The following SETX variants were observed in gnomAD, a reference collection of about 807,000 sequenced individuals.
SETX encodes the protein senataxin.
In SETX, 90 loss-of-function variants were observed where a neutral mutation model predicts 227.2. The ratio of observed to expected loss-of-function variants is 0.40; its 90% CI spans 0.33 to 0.47. The LOEUF is 0.47. SETX is among the 20% of genes least tolerant of loss of function. SETX has a pLI of 0.91. For missense variants in SETX, 3,052 were observed against 3,181.5 expected, an observed-to-expected ratio of 0.96 and a Z score of 0.98; for synonymous variants, 1,210 against 1,113.2, an observed-to-expected ratio of 1.09 and a Z score of -1.73.
Position 132,328,756 on chromosome 9 carries a change from G to T in SETX, c.2842C>A (p.Pro948Thr), listed in dbSNP as rs778882347. ...GAATCCGTTAAGGTGTCAGATTTAGGACTGATGTCAGGGGCCTGTTCTCTT... is the reference window on the plus strand; with the variant it reads ...GAATCCGTTAAGGTGTCAGATTTAGTACTGATGTCAGGGGCCTGTTCTCTT... ...LTREQAPDISPKSDTLTDSQI... is the reference protein window; with the variant it reads ...LTREQAPDISTKSDTLTDSQI... Residue 948 changes from proline to threonine, a missense_variant, in exon 10 of 26, where the codon CCT becomes ACT. Transcript: ENST00000224140. 36 of 1,612,194 alleles carry T rather than the reference G, an allele frequency of 2.2e-5. No individual in the cohort carries two copies. The highest frequency in any genetic ancestry group is 2.7e-5 in the Non-Finnish European group (32 of 1,179,346).
Position 132,294,906 on chromosome 9 carries a change from A to T in SETX, c.6106+966T>A, listed in dbSNP as rs181063200. ...GCCCACCTCTGGGTTTTTGATTTTT[A>T]AAAAAAAGAAGTAAACTTCTGTTAT... On this transcript the variant is annotated intron_variant, in intron 15 of 25. Transcript: ENST00000224140. Among the ~76,000 whole-genome samples, 1,016 of 152,188 alleles carry T rather than the reference A, an allele frequency of 6.7e-3. 12 individuals carry two copies. Among genetic ancestry groups the T allele is most frequent in the African/African-American group, 0.015 (623 of 41,534 alleles).
In SETX at chr9:132,335,314, C is replaced by CGG. The variant is rs1484275578; in HGVS notation, c.719-588_719-587insCC. Among the ~76,000 whole-genome samples, 34 of 142,982 alleles carry CGG rather than the reference C, an allele frequency of 2.4e-4. 1 individual carries two copies. The East Asian group carries it at 7.0e-3, about 29-fold the overall frequency. 93.8% of individuals were successfully genotyped at this position (142,982 alleles called of 152,430 possible). ...GCTGAGGCAGGAGAATGGCGTGAACCCAGGAGGCGGATCTTGCAGTGAGCC... is the reference window on the plus strand; with the variant it reads ...GCTGAGGCAGGAGAATGGCGTGAACCGGCAGGAGGCGGATCTTGCAGTGAGCC... On this transcript the variant is annotated intron_variant, in intron 6 of 25. Transcript: ENST00000224140.
chr9:132,307,338 GTTTTTT>G (rs35122140), intron 11 of SETX, among the ~76,000 whole-genome samples: 1 of 148,344 alleles, frequency 6.7e-6, no homozygotes, highest in Non-Finnish European at 1.5e-5. Context: ...AGCTAAATAA[GTTTTTT>G]TTTTTTAATT....
At chr9:132,320,738 C>A (rs1846273985) in intron 10 of SETX, among the ~76,000 whole-genome samples, 1 of 151,610 alleles carries the variant, frequency 6.6e-6, no homozygotes. Flanking sequence ...GTAGATTGAA[C>A]ACACACCATT....
intron 3 of SETX, among the ~76,000 whole-genome samples, chr9:132,347,007 C>T (rs895867656): frequency 6.6e-6 from 1 of 152,038 alleles, no homozygotes; most frequent in Non-Finnish European, 1.5e-5. Flanking sequence ...GTAATCCCAG[C>T]ACTTTGAGAG....
At chr9:132,304,957 T>C (rs959104103) in intron 11 of SETX, among the ~76,000 whole-genome samples, 3 of 151,460 alleles carry the variant, frequency 2.0e-5, no homozygotes, top group Non-Finnish European at 4.4e-5. Context: ...ATCACACCAC[T>C]GCACTTCAGC....
At chr9:132,299,999 G>A (rs7852649) in intron 12 of SETX, among the ~76,000 whole-genome samples, 37,899 of 151,552 alleles carry the variant, frequency 0.25, 6,027 homozygotes, top group East Asian at 0.67. Flanking sequence ...GACTGGTGGC[G>A]GATGCCTATA....
chr9:132,350,902 TG>T (rs569427368), intron 2 of SETX, among the ~76,000 whole-genome samples: 2 of 151,916 alleles, frequency 1.3e-5, no homozygotes, highest in Non-Finnish European at 2.9e-5. Flanking sequence ...CTCATCGACG[TG>T]GGGGGGAAAA....
chr9:132,320,301 C>A (rs112577927), intron 10 of SETX, among the ~76,000 whole-genome samples: 3 of 152,064 alleles, frequency 2.0e-5, no homozygotes, highest in Non-Finnish European at 4.4e-5. Flanking sequence ...CTAGGCCGGG[C>A]GCAGTGGCTC....
Position 132,334,642 on chromosome 9 carries a change from T to C in SETX, c.804A>G (p.Gln268=). The change falls in exon 7 of 26, where the codon CAA becomes CAG. Residue 268 remains glutamine (Q), a synonymous_variant. Transcript: ENST00000224140. ...CCCTCTCCATAGTGTGAAGTATCGA[T>C]TGCATAAAATCATTTTGTTTGTCTG... ...LGSDKQNDFM[Q]SILHTMEREA... The C allele has an allele frequency of 3.7e-6, 6 of 1,614,108 alleles. No homozygotes were observed. The highest frequency in any genetic ancestry group is 1.3e-5 in the African/African-American group (1 of 75,054).
chr9:132,308,125 A>C (rs1421247382), intron 11 of SETX, among the ~76,000 whole-genome samples: 2 of 152,242 alleles, frequency 1.3e-5, no homozygotes, highest in East Asian at 1.9e-4. Flanking sequence ...TAAAATGATT[A>C]AAGTATCACC....
At position 132,290,879 on chromosome 9, in the gene SETX, T is replaced by C. The variant is rs142730615; in HGVS notation, c.6107-2228A>G. Among the ~76,000 whole-genome samples the C allele has an allele frequency of 1.6e-3, 247 of 152,170 alleles. 1 individual carries two copies. Among genetic ancestry groups the C allele is most frequent in the African/African-American group, 5.5e-3 (229 of 41,508 alleles). ...AAATAAATAAATATTCCCCACTATA[T>C]CACTGGGCTAAATTATGCAATCATG... is the stretch of plus-strand genomic sequence containing the variant. On this transcript the variant is annotated intron_variant, in intron 15 of 25. Coordinates refer to ENST00000224140, the MANE Select transcript of SETX (RefSeq NM_015046.7).
intron 2 of SETX, 105 bp from the exon 3 acceptor site, chr9:132,349,540 G>A (rs371438923): frequency 1.2e-5 from 15 of 1,208,732 alleles, no homozygotes; most frequent in Admixed American, 7.8e-5. Flanking sequence ...AATTTAAAAT[G>A]TGTCACTAAA....
At chr9:132,325,129 G>A (rs1846630798) in intron 10 of SETX, among the ~76,000 whole-genome samples, 1 of 152,104 alleles carries the variant, frequency 6.6e-6, no homozygotes, top group African/African-American at 2.4e-5. Flanking sequence ...GGCCAAGGCG[G>A]GCAGATCACA....
At position 132,277,087 on chromosome 9, in the gene SETX, C is replaced by T. The variant is rs761352209; in HGVS notation, c.6908G>A (p.Gly2303Glu). The change falls in exon 22 of 26, where the codon GGA becomes GAA. Residue 2303 changes from glycine to glutamate, a missense_variant. Transcript: ENST00000224140. ...PFQPYLVFDVGDGSERRDNDS... is the reference protein window; with the variant it reads ...PFQPYLVFDVEDGSERRDNDS... ...ATTATCCCGTCTTTCTGAACCATCT[C>T]CAACATCAAACACAAGGTATGGCTG... 1.2e-6 allele frequency: 2 copies of T among 1,613,924 alleles called. No homozygotes were observed. The highest frequency in any genetic ancestry group is 1.7e-6 in the Non-Finnish European group (2 of 1,179,964).
rs543642254 is a variant in SETX at position 132,309,616 on chromosome 9, G to A, written c.5374+2141C>T. Among the ~76,000 whole-genome samples, 88 of 152,156 alleles carry A rather than the reference G, an allele frequency of 5.8e-4. No individual in the cohort carries two copies. The South Asian group carries it at 0.013, about 23-fold the overall frequency. On this transcript the variant is annotated intron_variant, in intron 11 of 25. Transcript: ENST00000224140. ...ACTTCAGAAGGCTGATGACACAGGA[G>A]GATCACTTGAGACCAGGAGTTTGAG... is the stretch of plus-strand genomic sequence containing the variant.
intron 4 of SETX, among the ~76,000 whole-genome samples, 187 bp from the exon 5 acceptor site, chr9:132,342,986 C>G (rs978886368): frequency 6.6e-6 from 1 of 152,116 alleles, no homozygotes; most frequent in African/African-American, 2.4e-5. Context: ...ATCCGTTGAT[C>G]ACAGGGTGTT....
intron 3 of SETX, among the ~76,000 whole-genome samples, chr9:132,348,490 TATTTC>T (rs1387786035): frequency 6.6e-6 from 1 of 152,174 alleles, no homozygotes; most frequent in African/African-American, 2.4e-5. Context: ...CCAATGACTT[TATTTC>T]ATTAAATTAT....
intron 20 of SETX, among the ~76,000 whole-genome samples, chr9:132,279,705 T>TCACAAAA (rs1315075647): frequency 6.6e-6 from 1 of 152,226 alleles, no homozygotes; most frequent in Admixed American, 6.5e-5. Context: ...CTGCGTTAGC[T>TCACAAAA]CACAAAACCT....
Sources: gnomAD v4.1 joint callset for allele counts (sites outside exome capture counted in the v4.1 genomes callset) on GRCh38, gnomAD v4.1.1 for gene constraint, MANE v1.5 for transcripts, NCBI Gene and HGNC (gene_info 2026-07-23, HGNC 2026-07-21) for gene names.